The following RNF13 variants were observed in gnomAD, a reference collection of about 807,000 sequenced individuals.
RNF13 encodes the protein ring finger protein 13, also known as E3 ubiquitin-protein ligase RNF13.
A neutral mutation model predicts 37.7 loss-of-function variants in RNF13; 19 were observed. The observed-to-expected ratio is 0.50, with a 90% CI of 0.35 to 0.74. The LOEUF is 0.74. Among genes scored for constraint, RNF13 ranks in the 30% least tolerant of loss-of-function variants. The pLI is 0.01. For synonymous variants in RNF13, 144 were observed against 157.8 expected, an observed-to-expected ratio of 0.91 and a Z score of 0.65; for missense variants, 375 against 453.0, an observed-to-expected ratio of 0.83 and a Z score of 1.56.
At chr3:149,877,817 C>T (rs1015043034) in intron 4 of RNF13, among the ~76,000 whole-genome samples, 6 of 152,008 alleles carry the variant, frequency 3.9e-5, no homozygotes, top group Non-Finnish European at 8.8e-5. Context: ...CAAGGATATT[C>T]GATGGATGGA....
At chr3:149,836,789 A>T (rs1436718871) in intron 1 of RNF13, among the ~76,000 whole-genome samples, 3 of 152,210 alleles carry the variant, frequency 2.0e-5, no homozygotes, top group Non-Finnish European at 4.4e-5. Context: ...AACATGGGGT[A>T]TGTACATATA....
chr3:149,889,643 A>T (rs1225125895), intron 4 of RNF13, among the ~76,000 whole-genome samples: 1 of 149,784 alleles, frequency 6.7e-6, no homozygotes, highest in East Asian at 2.0e-4. Flanking sequence ...AACTTGCTGA[A>T]AATCTGACAA....
chr3:149,872,923 T>C (rs1712246375), intron 4 of RNF13, among the ~76,000 whole-genome samples: 1 of 152,214 alleles, frequency 6.6e-6, no homozygotes, highest in Non-Finnish European at 1.5e-5. Context: ...TAAAATAATA[T>C]AAAGGGATTT....
At chr3:149,861,573 A>C (rs1724258245) in intron 3 of RNF13, among the ~76,000 whole-genome samples, 1 of 152,152 alleles carries the variant, frequency 6.6e-6, no homozygotes, top group Non-Finnish European at 1.5e-5. Flanking sequence ...GGAGCTAAAA[A>C]AGTTGATCTT....
At chr3:149,945,683 ACACCC>A (rs1176667535) in intron 8 of RNF13, among the ~76,000 whole-genome samples, 1 of 152,126 alleles carries the variant, frequency 6.6e-6, no homozygotes, top group Non-Finnish European at 1.5e-5. Context: ...GGGCAGACTG[ACACCC>A]CACACGGCCA....
intron 3 of RNF13, among the ~76,000 whole-genome samples, chr3:149,857,814 C>G (rs886936811): frequency 4.8e-4 from 73 of 152,120 alleles, no homozygotes; most frequent in African/African-American, 1.8e-3. Flanking sequence ...AATGGATAAC[C>G]AAGTATTAAA....
intron 5 of RNF13, among the ~76,000 whole-genome samples, chr3:149,898,505 C>G (rs960636146): frequency 6.6e-5 from 10 of 152,124 alleles, no homozygotes; most frequent in African/African-American, 2.4e-4. Context: ...CCCAGCTTTA[C>G]CACCTAGTAG....
At chr3:149,927,974 TTGCTTATGATATGAAG>T (rs1192853675) in intron 8 of RNF13, among the ~76,000 whole-genome samples, 1 of 151,904 alleles carries the variant, frequency 6.6e-6, no homozygotes, top group Non-Finnish European at 1.5e-5. Context: ...TTTTCTTTTT[TTGCTTATGATATGAAG>T]CATAAGCAAA....
chr3:149,899,617 C>G (rs1715617394), intron 5 of RNF13, among the ~76,000 whole-genome samples: 1 of 152,182 alleles, frequency 6.6e-6, no homozygotes, highest in South Asian at 2.1e-4. Flanking sequence ...ATTTAGAAAG[C>G]TGCTGCAGCA....
At chr3:149,917,977 C>T (rs1717719359) in intron 7 of RNF13, among the ~76,000 whole-genome samples, 1 of 152,068 alleles carries the variant, frequency 6.6e-6, no homozygotes, top group Non-Finnish European at 1.5e-5. Flanking sequence ...TAATAATTTT[C>T]TGCGTTCTTT....
chr3:149,873,201 C>T (rs565264144), intron 4 of RNF13, among the ~76,000 whole-genome samples: 1 of 152,222 alleles, frequency 6.6e-6, no homozygotes, highest in East Asian at 1.9e-4. Context: ...TAAAAGTAAA[C>T]TAATTCTATT....
intron 4 of RNF13, among the ~76,000 whole-genome samples, chr3:149,879,429 C>T (rs549449238): frequency 6.6e-6 from 1 of 151,826 alleles, no homozygotes; most frequent in Non-Finnish European, 1.5e-5. Flanking sequence ...CCACCTCAGC[C>T]TCCCAAGTAG....
chr3:149,878,364 TTAA>T (rs1340542863), intron 4 of RNF13, among the ~76,000 whole-genome samples: 2 of 152,186 alleles, frequency 1.3e-5, no homozygotes, highest in African/African-American at 4.8e-5. Flanking sequence ...AACTATAATA[TTAA>T]TGAGAGTTAA....
At chr3:149,902,273 A>C (rs569864418) in intron 6 of RNF13, 111 bp downstream of exon 6, 11 of 508,396 alleles carry the variant, frequency 2.2e-5, no homozygotes, top group African/African-American at 2.0e-4. Context: ...CTGTAGTGCT[A>C]AATTATCCCT....
intron 8 of RNF13, 26 bp from the exon 9 acceptor site, chr3:149,960,030 G>A (rs2108620305): frequency 6.6e-7 from 1 of 1,517,634 alleles, no homozygotes. Context: ...TGAAAAAATA[G>A]TTCTCTACAT....
At chr3:149,895,391 G>GT in intron 4 of RNF13, 82 bp from the exon 5 acceptor site, 1 of 797,138 alleles carries the variant, frequency 1.3e-6, no homozygotes, top group Non-Finnish European at 2.0e-6. Flanking sequence ...ATTTACTTCA[G>GT]TAAGTTTTTA....
chr3:149,952,633 C>T (rs1559974298), intron 8 of RNF13, among the ~76,000 whole-genome samples: 2 of 151,568 alleles, frequency 1.3e-5, no homozygotes, highest in Non-Finnish European at 2.9e-5. Flanking sequence ...GAGTTTCGCT[C>T]TTGTCGCCCA....
Position 149,961,394 on chromosome 3 carries a change from T to TTAAGACCCAGATCACAG in RNF13, c.*297_*298insCAGATCACAGTAAGACC. ...AAAAAATCCTCAGTATAGCTTGCAATTAAGACCTAGATCACAGTATTTAAG... is the reference window on the plus strand; with the variant it reads ...AAAAAATCCTCAGTATAGCTTGCAATTAAGACCCAGATCACAGTAAGACCTAGATCACAGTATTTAAG... On this transcript the variant is annotated 3_prime_UTR_variant, in exon 10 of 10. Coordinates refer to ENST00000392894, the MANE Select transcript of RNF13 (RefSeq NM_183381.3). The TTAAGACCCAGATCACAG allele has an allele frequency of 1.8e-6, 1 of 544,430 alleles. No individual in the cohort carries two copies. Among genetic ancestry groups the TTAAGACCCAGATCACAG allele is most frequent in the Non-Finnish European group, 3.5e-6 (1 of 288,426 alleles). 33.7% of individuals were successfully genotyped at this position (544,430 alleles called of 1,614,324 possible).
chr3:149,943,094 T>C (rs1300405982), intron 8 of RNF13, among the ~76,000 whole-genome samples: 1 of 152,204 alleles, frequency 6.6e-6, no homozygotes, highest in Non-Finnish European at 1.5e-5. Context: ...TAGTATTTTG[T>C]TGAGGATTTT....
Sources: gnomAD v4.1 joint callset for allele counts (sites outside exome capture counted in the v4.1 genomes callset) on GRCh38, gnomAD v4.1.1 for gene constraint, MANE v1.5 for transcripts, NCBI Gene and HGNC (gene_info 2026-07-23, HGNC 2026-07-21) for gene names.